The following CMPK1 variants were observed in gnomAD, a reference collection of about 807,000 sequenced individuals.
CMPK1 encodes the protein UMP-CMP kinase.
In CMPK1, 10 loss-of-function variants were observed where a neutral mutation model predicts 25.7. That is an observed-to-expected ratio of 0.39 (90% CI 0.24 to 0.66). The LOEUF (loss-of-function observed/expected upper bound fraction) is 0.66, where lower values mean the gene tolerates loss of function less well. CMPK1 is among the 30% of genes least tolerant of loss of function. The probability of loss-of-function intolerance (pLI) is 0.48; values close to 1 mark genes in which losing one functional copy is unlikely to be tolerated. For missense variants in CMPK1, 199 were observed against 280.5 expected (o/e 0.71, Z 2.08); for synonymous variants, 106 against 101.5 (o/e 1.04, Z -0.27).
chr1:47,335,404 C>T (rs1234332223), intron 1 of CMPK1, among the ~76,000 whole-genome samples: 1 of 151,994 alleles, frequency 6.6e-6, no homozygotes, highest in Non-Finnish European at 1.5e-5. Flanking sequence ...TTTGGGAGGC[C>T]GAGGCTGGCG....
chr1:47,354,846 G>A (rs1455635150), intron 1 of CMPK1, among the ~76,000 whole-genome samples: 1 of 152,094 alleles, frequency 6.6e-6, no homozygotes, highest in Non-Finnish European at 1.5e-5. Context: ...GAATTACTGA[G>A]TCAAAGTTTG....
At chr1:47,340,748 C>T (rs1050943101) in intron 1 of CMPK1, among the ~76,000 whole-genome samples, 6 of 152,128 alleles carry the variant, frequency 3.9e-5, no homozygotes, top group Non-Finnish European at 1.5e-5. Context: ...AGCGATTCTC[C>T]TGCCTCAGCC....
At chr1:47,365,633 C>CAAAAAAAAAAAAAAAAAAAAAA (rs10623948) in intron 1 of CMPK1, among the ~76,000 whole-genome samples, 1 of 108,418 alleles carries the variant, frequency 9.2e-6, no homozygotes, top group Non-Finnish European at 1.8e-5. Flanking sequence ...GACCCTGTCT[C>CAAAAAAAAAAAAAAAAAAAAAA]AAAAAAAAAA....
chr1:47,351,845 A>G (rs866152977), intron 1 of CMPK1, among the ~76,000 whole-genome samples: 1 of 152,016 alleles, frequency 6.6e-6, no homozygotes, highest in Admixed American at 6.6e-5. Context: ...CATTTAAAAA[A>G]TTGTCTTTGG....
chr1:47,352,768 G>C (rs986006014), intron 1 of CMPK1, among the ~76,000 whole-genome samples: 1 of 152,098 alleles, frequency 6.6e-6, no homozygotes, highest in Non-Finnish European at 1.5e-5. Flanking sequence ...CAAGAACCAA[G>C]AGGCCCATGT....
chr1:47,373,350 A>G (rs1010534987), intron 3 of CMPK1: 9 of 298,106 alleles, frequency 3.0e-5, no homozygotes, highest in Admixed American at 4.9e-5. Context: ...TTGATTTTTA[A>G]AAAATAAGAA....
chr1:47,364,129 A>G (rs2149332305), intron 1 of CMPK1, among the ~76,000 whole-genome samples: 2 of 152,206 alleles, frequency 1.3e-5, no homozygotes, highest in East Asian at 3.9e-4. Context: ...CATAACCAGC[A>G]TTTAGATTTT....
chr1:47,347,035 G>A (rs942082375), intron 1 of CMPK1, among the ~76,000 whole-genome samples: 7 of 151,916 alleles, frequency 4.6e-5, no homozygotes, highest in Non-Finnish European at 7.4e-5. Flanking sequence ...CACCCGCCTC[G>A]GCCTCCCAAA....
rs372040178 is a variant in CMPK1, at chr1:47,337,564, T to A, written c.171+3448T>A. Among the ~76,000 whole-genome samples, 6 of 152,140 alleles carry A rather than the reference T, an allele frequency of 3.9e-5. No individual in the cohort carries two copies. In the South Asian group the frequency reaches 1.2e-3, roughly 31 times the overall value. On this transcript the variant is annotated intron_variant, in intron 1 of 5. Coordinates refer to ENST00000371873, the MANE Select transcript of CMPK1 (RefSeq NM_016308.3). ...CAATCAACTAATTCCAAATAGTTTATAATTTAGCAATTGCTATTCCCTAGC... is the reference window on the plus strand; with the variant it reads ...CAATCAACTAATTCCAAATAGTTTAAAATTTAGCAATTGCTATTCCCTAGC...
chr1:47,358,192 G>C, intron 1 of CMPK1: 1 of 409,110 alleles, frequency 2.4e-6, no homozygotes. Context: ...GCTTACTGCC[G>C]CCTCTAACTC....
At chr1:47,358,104 C>CTTTTTTTT (rs398039948) in intron 1 of CMPK1, among the ~76,000 whole-genome samples, 22 of 78,744 alleles carry the variant, frequency 2.8e-4, no homozygotes, top group East Asian at 2.6e-3. Flanking sequence ...CATAGTAGGT[C>CTTTTTTTT]TTTTTTTTTT....
Position 47,333,976 on chromosome 1 carries a change from C to G in CMPK1, c.31C>G (p.His11Asp). 6.6e-7 allele frequency: 1 copy of G among 1,514,882 alleles called. No individual in the cohort carries two copies. 93.8% of individuals were successfully genotyped at this position (1,514,882 alleles called of 1,614,324 possible). Reference protein sequence around the residue: MLSRCRSGLLHVLGLSFLLQT... With the variant: MLSRCRSGLLDVLGLSFLLQT... ...GAGCCGCTGCCGCAGCGGGCTGCTC[C>G]ACGTCCTGGGCCTTAGCTTCCTGCT... The change falls in exon 1 of 6, where the codon CAC becomes GAC. Residue 11 changes from histidine to aspartate, a missense_variant. This residue lies in a region of CMPK1 where 59 missense variants were observed against 45.1 expected (regional missense o/e 1.31). Transcript: ENST00000371873.
At chr1:47,344,889 C>T (rs891446554) in intron 1 of CMPK1, among the ~76,000 whole-genome samples, 3 of 151,830 alleles carry the variant, frequency 2.0e-5, no homozygotes, top group Admixed American at 2.0e-4. Flanking sequence ...CTGTCTTTTC[C>T]CTCTCATTTC....
At chr1:47,346,932 C>T (rs548120902) in intron 1 of CMPK1, among the ~76,000 whole-genome samples, 26 of 151,608 alleles carry the variant, frequency 1.7e-4, no homozygotes, top group East Asian at 1.6e-3. Flanking sequence ...TACAGGCGCC[C>T]GCCACCATAC....
intron 1 of CMPK1, among the ~76,000 whole-genome samples, chr1:47,356,763 C>T (rs1438358591): frequency 6.6e-6 from 1 of 152,022 alleles, no homozygotes; most frequent in African/African-American, 2.4e-5. Context: ...CAGGTTCAAG[C>T]AATTCTTGTG....
In CMPK1 at chr1:47,346,879, C is replaced by T. The variant is rs148552283; in HGVS notation, c.171+12763C>T. ...CCCTCTCCTCCCCTTCCCTTCCCTT[C>T]CCCAAGTGATTCTCCTGCCTTAGCC... On this transcript the variant is annotated intron_variant, in intron 1 of 5. Coordinates refer to ENST00000371873, the MANE Select transcript of CMPK1 (RefSeq NM_016308.3). Among the ~76,000 whole-genome samples, 1,189 of 151,162 alleles carry T rather than the reference C, an allele frequency of 7.9e-3. 13 individuals are homozygous for T. Among genetic ancestry groups the T allele is most frequent in the African/African-American group, 0.027 (1,117 of 41,168 alleles).
chr1:47,341,823 G>A (rs1306862969), intron 1 of CMPK1, among the ~76,000 whole-genome samples: 3 of 151,516 alleles, frequency 2.0e-5, no homozygotes, highest in Admixed American at 6.6e-5. Flanking sequence ...CAGTTTCACC[G>A]TGTTAGCCAG....
chr1:47,343,277 A>G (rs868613587), intron 1 of CMPK1, among the ~76,000 whole-genome samples: 36 of 151,144 alleles, frequency 2.4e-4, no homozygotes, highest in African/African-American at 8.5e-4. Context: ...ATGAGCCACA[A>G]TGCCCGGCCC....
Position 47,375,262 on chromosome 1 carries a change from A to G in CMPK1, c.614A>G (p.Lys205Arg). Residue 205 changes from lysine to arginine, a missense_variant, in exon 5 of 6, where the codon AAG becomes AGG. Around this residue, in one of 2 missense-constraint regions of CMPK1, gnomAD observed 140 missense variants for 235.5 expected, o/e 0.59. Coordinates refer to ENST00000371873, the MANE Select transcript of CMPK1 (RefSeq NM_016308.3). ...IDLYEEMGKV[K>R]KIDASKSVDE... ...TTATATGAAGAAATGGGGAAAGTCA[A>G]GAAAATAGATGCTTCTAAATCTGTT... 3 of 1,606,642 alleles carry G rather than the reference A, an allele frequency of 1.9e-6. No homozygotes were observed. Among genetic ancestry groups the G allele is most frequent in the Non-Finnish European group, 2.5e-6 (3 of 1,177,174 alleles).
Sources: allele counts gnomAD v4.1 joint callset (sites outside exome capture counted in the v4.1 genomes callset), GRCh38; gene constraint gnomAD v4.1.1; regional missense constraint gnomAD v4.1.1; transcripts MANE v1.5; gene names NCBI Gene and HGNC (gene_info 2026-07-23, HGNC 2026-07-21).